Variants in MALRD1 observed in about 807,000 individuals in gnomAD.
MALRD1 encodes MAM and LDL-receptor class A domain-containing protein 1.
Under a neutral mutation model 242.1 loss-of-function variants are expected in MALRD1, and 247 were observed. That is an observed-to-expected ratio of 1.02 (90% CI 0.92 to 1.13). The LOEUF is 1.13. MALRD1 is among the 50% of genes most tolerant of loss of function. The pLI is 0.00. For synonymous variants in MALRD1, 995 were observed against 866.6 expected, an observed-to-expected ratio of 1.15 and a Z score of -2.60; for missense variants, 2,989 against 2,533.1, an observed-to-expected ratio of 1.18 and a Z score of -3.86.
intron 29 of MALRD1, among the ~76,000 whole-genome samples, chr10:19,453,779 G>A (rs986184650): frequency 1.3e-5 from 2 of 152,258 alleles, no homozygotes; most frequent in South Asian, 2.1e-4. Context: ...AGCAGGCTGA[G>A]GCATGAGAAT....
At chr10:19,633,989 C>T (rs1840021908) in intron 36 of MALRD1, among the ~76,000 whole-genome samples, 1 of 151,874 alleles carries the variant, frequency 6.6e-6, no homozygotes, top group African/African-American at 2.4e-5. Context: ...CAGGGGGATG[C>T]CACCAGGCCC....
intron 32 of MALRD1, among the ~76,000 whole-genome samples, chr10:19,562,304 G>GATAC (rs1836007320): frequency 8.3e-6 from 1 of 120,696 alleles, no homozygotes; most frequent in Admixed American, 7.5e-5. Context: ...TAGGTAGATA[G>GATAC]ATAGATAGAT....
chr10:19,649,865 C>G (rs189334273), intron 36 of MALRD1, among the ~76,000 whole-genome samples: 1 of 152,226 alleles, frequency 6.6e-6, no homozygotes, highest in East Asian at 1.9e-4. Flanking sequence ...TTCTGTTTTA[C>G]ATTTAAGCCT....
chr10:19,143,226 C>T (rs185941790), intron 10 of MALRD1, among the ~76,000 whole-genome samples: 41 of 152,306 alleles, frequency 2.7e-4, no homozygotes, highest in African/African-American at 9.9e-4. Context: ...AACATTTATA[C>T]AATCAAAAGT....
At chr10:19,109,482 A>C (rs1836599175) in intron 5 of MALRD1, among the ~76,000 whole-genome samples, 1 of 152,146 alleles carries the variant, frequency 6.6e-6, no homozygotes, top group Non-Finnish European at 1.5e-5. Context: ...GGGGGTAAAG[A>C]CATCTCATAA....
intron 36 of MALRD1, among the ~76,000 whole-genome samples, chr10:19,655,827 G>A (rs1231366838): frequency 6.6e-6 from 1 of 152,008 alleles, no homozygotes; most frequent in African/African-American, 2.4e-5. Flanking sequence ...AGGCAGTAGA[G>A]TGTATGGAAT....
At chr10:19,689,101 A>G (rs942300128) in intron 36 of MALRD1, among the ~76,000 whole-genome samples, 31 of 152,184 alleles carry the variant, frequency 2.0e-4, no homozygotes, top group Non-Finnish European at 4.4e-5. Context: ...AATGTCTGTG[A>G]CAGTTATTTG....
intron 23 of MALRD1, 22 bp downstream of exon 23, chr10:19,327,695 G>A (rs1843196327): frequency 1.3e-6 from 2 of 1,511,750 alleles, no homozygotes; most frequent in East Asian, 2.5e-5. Context: ...AGGTAGTTAT[G>A]GGGTGAGTGA....
At chr10:19,055,155 A>G (rs573719927) in intron 1 of MALRD1, among the ~76,000 whole-genome samples, 1 of 152,166 alleles carries the variant, frequency 6.6e-6, no homozygotes, top group African/African-American at 2.4e-5. Context: ...GATTAGTAAT[A>G]CTGAAAAATT....
chr10:19,165,530 C>T, intron 12 of MALRD1, 107 bp from the exon 13 acceptor site: 1 of 851,676 alleles, frequency 1.2e-6, no homozygotes, highest in Non-Finnish European at 1.6e-6. Context: ...CTTTGGGAGG[C>T]CGAGGCAGGC....
chr10:19,502,849 A>G (rs1385630381), intron 31 of MALRD1, among the ~76,000 whole-genome samples: 4 of 152,220 alleles, frequency 2.6e-5, no homozygotes, highest in Middle Eastern at 3.2e-3. Context: ...GTCAATAGAT[A>G]TGAGAAAGTT....
At chr10:19,171,739 T>C (rs1834975324) in intron 13 of MALRD1, among the ~76,000 whole-genome samples, 1 of 121,650 alleles carries the variant, frequency 8.2e-6, no homozygotes, top group African/African-American at 3.0e-5. Flanking sequence ...CGTATATATA[T>C]CATATAATAT....
chr10:19,534,094 A>T (rs1389195742), intron 32 of MALRD1, among the ~76,000 whole-genome samples: 1 of 152,204 alleles, frequency 6.6e-6, no homozygotes. Flanking sequence ...AGAAACAGAA[A>T]GGTACCTGCT....
chr10:19,062,298 G>A (rs1356375858), intron 1 of MALRD1, among the ~76,000 whole-genome samples: 1 of 152,170 alleles, frequency 6.6e-6, no homozygotes, highest in East Asian at 1.9e-4. Context: ...AGGAAGATTT[G>A]CAGAAATTGG....
At chr10:19,098,535 A>G (rs1836127763) in intron 4 of MALRD1, among the ~76,000 whole-genome samples, 2 of 152,196 alleles carry the variant, frequency 1.3e-5, no homozygotes, top group Non-Finnish European at 2.9e-5. Context: ...ATTTATGATA[A>G]CATATGATGA....
intron 28 of MALRD1, among the ~76,000 whole-genome samples, chr10:19,432,224 CT>C (rs1439958901): frequency 6.6e-6 from 1 of 152,108 alleles, no homozygotes; most frequent in Non-Finnish European, 1.5e-5. Flanking sequence ...AATGCTTACT[CT>C]TTTTTGTGTT....
Position 19,483,232 on chromosome 10 carries a change from A to G in MALRD1, c.5030-8285A>G, listed in dbSNP as rs139190330. ...AAAAAAAAAAAACCTAGGAAACACC[A>G]TTTTTGACACTGACCTTGGGAAATA... On this transcript the variant is annotated intron_variant, in intron 29 of 39. Transcript: ENST00000454679. Among the ~76,000 whole-genome samples, 481 of 151,754 alleles carry G rather than the reference A, an allele frequency of 3.2e-3. 1 individual carries two copies. Among genetic ancestry groups the G allele is most frequent in the Middle Eastern group, 6.8e-3 (2 of 294 alleles).
chr10:19,067,566 G>A (rs1289250694), intron 2 of MALRD1, among the ~76,000 whole-genome samples: 1 of 152,094 alleles, frequency 6.6e-6, no homozygotes, highest in Non-Finnish European at 1.5e-5. Flanking sequence ...TTTTTGCCCT[G>A]GAGGTAATTT....
chr10:19,670,424 A>G (rs1218239382), intron 36 of MALRD1, among the ~76,000 whole-genome samples: 2 of 152,144 alleles, frequency 1.3e-5, no homozygotes, highest in Non-Finnish European at 2.9e-5. Flanking sequence ...TCTCTTCCCA[A>G]GAATTTTCTT....
Sources: gnomAD v4.1 joint callset for allele counts (sites outside exome capture counted in the v4.1 genomes callset) on GRCh38, gnomAD v4.1.1 for gene constraint, MANE v1.5 for transcripts, NCBI Gene and HGNC (gene_info 2026-07-23, HGNC 2026-07-21) for gene names.